Variants in RIMS1 observed in about 807,000 individuals in gnomAD.
RIMS1 encodes regulating synaptic membrane exocytosis 1, also known as regulating synaptic membrane exocytosis protein 1.
RIMS1 carries 83 observed loss-of-function variants against 214.1 expected under a neutral mutation model. The ratio of observed to expected loss-of-function variants is 0.39; its 90% CI spans 0.32 to 0.47. The LOEUF (loss-of-function observed/expected upper bound fraction) is 0.47. RIMS1 is among the 20% of genes least tolerant of loss of function. The pLI, the probability that RIMS1 is intolerant of heterozygous loss-of-function variation, is 0.99. For synonymous variants in RIMS1, 793 were observed against 786.8 expected, an observed-to-expected ratio of 1.01 and a Z score of -0.13; for missense variants, 2,050 against 2,161.8, an observed-to-expected ratio of 0.95 and a Z score of 1.03.
At chr6:71,950,918 G>T (rs914243578) in intron 1 of RIMS1, among the ~76,000 whole-genome samples, 1 of 152,080 alleles carries the variant, frequency 6.6e-6, no homozygotes, top group African/African-American at 2.4e-5. Flanking sequence ...TCTTATTTAC[G>T]TATTTTATTG....
chr6:72,063,871 T>C (rs943456204), intron 2 of RIMS1, among the ~76,000 whole-genome samples: 1 of 152,196 alleles, frequency 6.6e-6, no homozygotes, highest in Admixed American at 6.5e-5. Flanking sequence ...AAGTCTGGGA[T>C]TGAAGTGTGG....
chr6:71,886,981 T>TGA lies in RIMS1; in HGVS notation c.-39_-38dup. The TGA allele has an allele frequency of 6.3e-7, 1 of 1,597,234 alleles. No individual in the cohort carries two copies. The highest frequency in any genetic ancestry group is 2.2e-5 in the East Asian group (1 of 44,556). ...AGCTGCTGGGCGTGCATCCGAAAGG[T>TGA]GAGAGCCAGAGAGCGAGCAGAGGGG... On this transcript the variant is annotated 5_prime_UTR_variant, in exon 1 of 34. Transcript: ENST00000521978.
At chr6:72,013,490 A>G (rs1413542640) in intron 2 of RIMS1, among the ~76,000 whole-genome samples, 1 of 152,188 alleles carries the variant, frequency 6.6e-6, no homozygotes. Context: ...AAAAGACTGA[A>G]AAAGACTGAC....
At chr6:71,888,155 T>C (rs770569437) in intron 1 of RIMS1, among the ~76,000 whole-genome samples, 3 of 152,150 alleles carry the variant, frequency 2.0e-5, no homozygotes, top group Non-Finnish European at 2.9e-5. Flanking sequence ...CAGACAAAAC[T>C]GCTTACAAGG....
At chr6:72,251,845 G>A (rs2073498067) in intron 15 of RIMS1, among the ~76,000 whole-genome samples, 1 of 152,078 alleles carries the variant, frequency 6.6e-6, no homozygotes, top group South Asian at 2.1e-4. Flanking sequence ...GGAGTAGCTA[G>A]GATTACAGAA....
intron 27 of RIMS1, among the ~76,000 whole-genome samples, chr6:72,307,600 C>A (rs1051647775): frequency 2.0e-5 from 3 of 151,608 alleles, no homozygotes; most frequent in Non-Finnish European, 4.4e-5. Flanking sequence ...CTAAAAAATA[C>A]AAAAATTAGC....
chr6:72,154,001 A>G (rs1214510719), intron 4 of RIMS1, among the ~76,000 whole-genome samples: 2 of 152,208 alleles, frequency 1.3e-5, no homozygotes, highest in African/African-American at 2.4e-5. Flanking sequence ...TACCTAATGA[A>G]GGAACATAAT....
chr6:72,369,771 C>T (rs2098157896), intron 29 of RIMS1, among the ~76,000 whole-genome samples: 1 of 152,220 alleles, frequency 6.6e-6, no homozygotes, highest in South Asian at 2.1e-4. Flanking sequence ...GTTGACACAT[C>T]AGAAAACCCC....
intron 4 of RIMS1, among the ~76,000 whole-genome samples, chr6:72,133,396 G>A (rs1311746753): frequency 6.6e-6 from 1 of 152,098 alleles, no homozygotes; most frequent in Non-Finnish European, 1.5e-5. Context: ...GATATGCTGG[G>A]TGACAAGAAT....
intron 28 of RIMS1, among the ~76,000 whole-genome samples, chr6:72,332,729 G>A (rs1361094282): frequency 8.0e-5 from 12 of 150,628 alleles, no homozygotes; most frequent in Non-Finnish European, 7.4e-5. Flanking sequence ...CTGCTTGCTT[G>A]CCCTACCTCT....
At chr6:71,974,517 C>G (rs546979165) in intron 2 of RIMS1, among the ~76,000 whole-genome samples, 1 of 151,988 alleles carries the variant, frequency 6.6e-6, no homozygotes, top group African/African-American at 2.4e-5. Flanking sequence ...TTTAAAAAGT[C>G]CGAGAAAGAC....
intron 26 of RIMS1, among the ~76,000 whole-genome samples, chr6:72,305,711 C>T (rs2095089379): frequency 6.6e-6 from 1 of 152,048 alleles, no homozygotes; most frequent in South Asian, 2.1e-4. Flanking sequence ...TAATGAATTT[C>T]TGAACCACAT....
chr6:72,338,543 T>C (rs2096928010), intron 29 of RIMS1, among the ~76,000 whole-genome samples: 1 of 151,862 alleles, frequency 6.6e-6, no homozygotes, highest in Admixed American at 6.6e-5. Context: ...ACCTACAGAA[T>C]GGGAGAAAAT....
At chr6:72,029,811 A>G (rs571408040) in intron 2 of RIMS1, among the ~76,000 whole-genome samples, 1 of 152,270 alleles carries the variant, frequency 6.6e-6, no homozygotes, top group East Asian at 1.9e-4. Context: ...AATTCCAAAG[A>G]TGTAGCTAAT....
chr6:72,251,096 A>T lies in RIMS1; in HGVS notation c.2544+4A>T. 6.4e-7 allele frequency: 1 copy of T among 1,574,390 alleles called. No individual in the cohort carries two copies. Among genetic ancestry groups the T allele is most frequent in the Non-Finnish European group, 8.6e-7 (1 of 1,158,950 alleles). The stretch of plus-strand genomic sequence containing the variant: ...AGAAAGTGAATTTCTTGGAGAGGTG[A>T]TGTATATTTTAAAAACTCAAGTCAA... On this transcript the variant is annotated splice_donor_region_variant and intron_variant, in intron 14 of 33. Transcript: ENST00000521978.
intron 4 of RIMS1, among the ~76,000 whole-genome samples, chr6:72,145,094 C>T (rs2042568394): frequency 6.6e-6 from 1 of 152,018 alleles, no homozygotes; most frequent in South Asian, 2.1e-4. Context: ...AAACTTTAGT[C>T]TTATACTTGG....
intron 6 of RIMS1, among the ~76,000 whole-genome samples, chr6:72,211,957 C>G (rs1008619692): frequency 5.3e-5 from 8 of 152,140 alleles, no homozygotes; most frequent in Middle Eastern, 3.4e-3. Context: ...ATGGTTGATT[C>G]TCTTGTTAAT....
At chr6:72,022,526 T>C (rs1280854043) in intron 2 of RIMS1, among the ~76,000 whole-genome samples, 1 of 152,200 alleles carries the variant, frequency 6.6e-6, no homozygotes, top group Non-Finnish European at 1.5e-5. Context: ...AATACCTTAG[T>C]GTATGGTTGT....
Position 72,182,341 on chromosome 6 carries a change from G to A in RIMS1, c.870G>A (p.Arg290=). Residue 290 remains arginine (R), a synonymous_variant, in exon 6 of 34, where the codon CGG becomes CGA. Transcript: ENST00000521978. ...QNGKGALKSE[R]KRVPKTSAQP... ...GCAAAGGAGCCCTGAAGAGCGAGCG[G>A]AAACGCGTGCCAAAGACCTCAGCGC... is the stretch of plus-strand genomic sequence containing the variant. 6.2e-7 allele frequency: 1 copy of A among 1,612,884 alleles called. No homozygotes were observed. The highest frequency in any genetic ancestry group is 8.5e-7 in the Non-Finnish European group (1 of 1,179,358).
Sources: allele counts gnomAD v4.1 joint callset (sites outside exome capture counted in the v4.1 genomes callset), GRCh38; gene constraint gnomAD v4.1.1; transcripts MANE v1.5; gene names NCBI Gene and HGNC (gene_info 2026-07-23, HGNC 2026-07-21).